Variants in BPI observed in about 807,000 individuals in gnomAD.
BPI encodes bactericidal permeability-increasing protein.
Under a neutral mutation model 57.6 loss-of-function variants are expected in BPI, and 48 were observed. That is an observed-to-expected ratio of 0.83 (90% CI 0.66 to 1.06). BPI has a LOEUF of 1.06. Among genes scored for constraint, BPI ranks in the 50% least tolerant of loss-of-function variants. The pLI, the probability that BPI is intolerant of heterozygous loss-of-function variation, is 0.00. For missense variants in BPI, 651 were observed against 609.7 expected, an observed-to-expected ratio of 1.07 and a Z score of -0.71; for synonymous variants, 237 against 238.2, an observed-to-expected ratio of 0.99 and a Z score of 0.05.
chr20:38,332,532 A>C (rs974139998), intron 12 of BPI, among the ~76,000 whole-genome samples: 5 of 152,218 alleles, frequency 3.3e-5, no homozygotes, highest in Non-Finnish European at 5.9e-5. Context: ...TACTAGGCAC[A>C]GTGGGGTATA....
rs2076720265 is a variant in BPI at position 38,327,634 on chromosome 20, T to C, written c.1208T>C (p.Val403Ala). ...MEVSAESNRL[V>A]GELKLDRLLL... ...GTCAGCGCCGAGTCCAACAGGCTTG[T>C]TGGAGAGCTCAAGCTGGATAGGTAA... Residue 403 changes from valine to alanine, a missense_variant, in exon 11 of 15, where the codon GTT becomes GCT. Physicochemically the swap from Val to Ala is moderately conservative, Grantham distance 64. Transcript: ENST00000642449. 1 of 1,613,684 alleles carries C rather than the reference T, an allele frequency of 6.2e-7. No individual in the cohort carries two copies. The highest frequency in any genetic ancestry group is 8.5e-7 in the Non-Finnish European group (1 of 1,179,740).
intron 1 of BPI, among the ~76,000 whole-genome samples, 166 bp downstream of exon 1, chr20:38,304,519 C>T (rs2076587991): frequency 6.6e-6 from 1 of 152,184 alleles, no homozygotes; most frequent in Non-Finnish European, 1.5e-5. Flanking sequence ...AGCGAGTTGC[C>T]TAAGATTGCA....
intron 12 of BPI, among the ~76,000 whole-genome samples, chr20:38,331,336 C>T (rs2076741650): frequency 6.6e-6 from 1 of 152,194 alleles, no homozygotes. Flanking sequence ...CCTTCCCCAC[C>T]TGAGTGAGTG....
In BPI at chr20:38,318,261, T is replaced by C. The variant is rs1749371039; in HGVS notation, c.601-152T>C. Reference sequence around the variant, plus strand: ...TAAGCTACATGTTCAACTCTGAGCTTCCTGGTGGCCAAAAAGAAAAGGGAA... The same window carrying C: ...TAAGCTACATGTTCAACTCTGAGCTCCCTGGTGGCCAAAAAGAAAAGGGAA... On this transcript the variant is annotated intron_variant, in intron 5 of 14. Transcript: ENST00000642449. 12 of 1,063,850 alleles carry C rather than the reference T, an allele frequency of 1.1e-5. No individual in the cohort carries two copies. The Admixed American group carries it at 1.7e-4, about 15-fold the overall frequency. The allele number at this position is 1,063,850 out of a possible 1,614,324, so 65.9% of individuals were successfully genotyped here. A position where few individuals can be genotyped will look rare whatever the true frequency, so the allele number is the denominator to read the frequency against.
chr20:38,336,994 G>GGT, intron 14 of BPI, 152 bp from the exon 15 acceptor site: 1 of 677,082 alleles, frequency 1.5e-6, no homozygotes, highest in Non-Finnish European at 2.5e-6. Context: ...GTAGATCCGG[G>GGT]CAGCGAAACA....
intron 9 of BPI, 67 bp downstream of exon 9, chr20:38,324,900 GGAT>G: frequency 1.5e-6 from 2 of 1,307,346 alleles, no homozygotes; most frequent in Non-Finnish European, 2.2e-6. Context: ...TTTGCTGAGT[GGAT>G]GATGAGAGCC....
rs142607529 is a variant in BPI at position 38,330,983 on chromosome 20, A to G, written c.1230-65A>G. ...CCACCAGAGTGGGTCTCTCCTCTCT[A>G]GAGACTGGGTTCTCATGCTAGTCAG... is the stretch of plus-strand genomic sequence containing the variant. On this transcript the variant is annotated intron_variant, in intron 11 of 14. Transcript: ENST00000642449. The G allele has an allele frequency of 1.7e-5, 27 of 1,578,400 alleles. No homozygotes were observed. The East Asian group carries it at 4.9e-4, about 29-fold the overall frequency.
Position 38,324,012 on chromosome 20 carries a change from C to T in BPI, c.899C>T (p.Ala300Val), listed in dbSNP as rs749022942. 6.2e-7 allele frequency: 1 copy of T among 1,614,090 alleles called. No homozygotes were observed. Among genetic ancestry groups the T allele is most frequent in the Non-Finnish European group, 8.5e-7 (1 of 1,180,020 alleles). ...ACAGCCGGGCTTGTATACCAAGAGG[C>T]TGGGGTCTTGAAGATGACCCTTAGA... ...FNTAGLVYQE[A>V]GVLKMTLRDD... is the part of the protein sequence containing the mutation. Residue 300 changes from alanine (A) to valine (V), a missense_variant, in exon 8 of 15, where the codon GCT (alanine) becomes GTT (valine). Physicochemically the swap from Ala to Val is moderately conservative, Grantham distance 64. Coordinates refer to ENST00000642449, the MANE Select transcript of BPI (RefSeq NM_001725.3).
intron 10 of BPI, 72 bp from the exon 11 acceptor site, chr20:38,327,516 C>G (rs1300283920): frequency 1.3e-6 from 2 of 1,556,736 alleles, no homozygotes; most frequent in Non-Finnish European, 1.8e-6. Context: ...GAAGCTGACC[C>G]TTCTTGGTTT....
intron 13 of BPI, 100 bp downstream of exon 13, chr20:38,334,593 T>C: frequency 8.4e-7 from 1 of 1,184,342 alleles, no homozygotes; most frequent in African/African-American, 1.5e-5. Context: ...GTATGAGGGC[T>C]GGGCAGTGGT....
intron 6 of BPI, 45 bp from the exon 7 acceptor site, chr20:38,320,138 T>C (rs375271937): frequency 2.0e-6 from 3 of 1,493,524 alleles, no homozygotes; most frequent in Non-Finnish European, 1.9e-6. Context: ...CTTCCAGCGA[T>C]GCTGCCGTGG....
At chr20:38,310,682 G>A in intron 4 of BPI, 30 bp downstream of exon 4, 1 of 1,595,074 alleles carries the variant, frequency 6.3e-7, no homozygotes, top group Non-Finnish European at 8.6e-7. Context: ...TGGCTGGGAG[G>A]AGGGACTTAA....
At chr20:38,330,998 A>G (rs374222038) in intron 11 of BPI, 50 bp from the exon 12 acceptor site, 27 of 1,601,340 alleles carry the variant, frequency 1.7e-5, no homozygotes, top group Non-Finnish European at 2.2e-5. Context: ...CTGGGTTCTC[A>G]TGCTAGTCAG....
In BPI at chr20:38,327,617, C is replaced by G. The variant is rs5743527; in HGVS notation, c.1191C>G (p.Ala397=). ...CAACTGGTTCCATGGAGGTCAGCGC[C>G]GAGTCCAACAGGCTTGTTGGAGAGC... The part of the protein sequence containing the change: ...MHTTGSMEVS[A]ESNRLVGELK... Residue 397 remains alanine (A), a synonymous_variant, in exon 11 of 15, where the codon GCC becomes GCG. Coordinates refer to ENST00000642449, the MANE Select transcript of BPI (RefSeq NM_001725.3). 1.2e-6 allele frequency: 2 copies of G among 1,613,496 alleles called. No homozygotes were observed. Among genetic ancestry groups the G allele is most frequent in the Non-Finnish European group, 1.7e-6 (2 of 1,179,752 alleles).
chr20:38,320,018 T>A, intron 6 of BPI, 165 bp from the exon 7 acceptor site: 1 of 615,924 alleles, frequency 1.6e-6, no homozygotes, highest in Non-Finnish European at 2.9e-6. Context: ...TGTGGGTTCA[T>A]TTTCCCTTAA....
chr20:38,317,815 C>G, intron 5 of BPI: 1 of 1,505,750 alleles, frequency 6.6e-7, no homozygotes, highest in Non-Finnish European at 8.9e-7. Context: ...GTGTCAAAGT[C>G]AGTGTGTGGC....
intron 7 of BPI, 64 bp downstream of exon 7, chr20:38,320,338 A>T: frequency 6.8e-7 from 1 of 1,461,010 alleles, no homozygotes; most frequent in Non-Finnish European, 9.5e-7. Context: ...AGGGCTCCCC[A>T]GTCCTTGGAA....
chr20:38,327,531 G>A, intron 10 of BPI, 57 bp from the exon 11 acceptor site: 3 of 1,595,280 alleles, frequency 1.9e-6, no homozygotes, highest in Non-Finnish European at 2.6e-6. Context: ...TGGTTTGGAG[G>A]CCTTGCAATC....
At chr20:38,331,843 CAAA>C (rs71644569) in intron 12 of BPI, among the ~76,000 whole-genome samples, 6 of 80,976 alleles carry the variant, frequency 7.4e-5, no homozygotes, top group Non-Finnish European at 1.1e-4. Flanking sequence ...AATCTTGTCT[CAAA>C]AAAAAAAAAA....
Sources: allele counts gnomAD v4.1 joint callset (sites outside exome capture counted in the v4.1 genomes callset), GRCh38; gene constraint gnomAD v4.1.1; transcripts MANE v1.5; gene names NCBI Gene and HGNC (gene_info 2026-07-23, HGNC 2026-07-21).